CTSK: variants seen among roughly 807,000 people sequenced by gnomAD.
CTSK encodes the protein cathepsin K.
Under a neutral mutation model 40.5 loss-of-function variants are expected in CTSK, and 26 were observed. The observed-to-expected ratio is 0.64, with a 90% confidence interval of 0.47 to 0.89. The LOEUF is 0.89. Among genes scored for constraint, CTSK ranks in the 40% least tolerant of loss-of-function variants. The probability of loss-of-function intolerance (pLI) is 0.00; values close to 1 mark genes in which losing one functional copy is unlikely to be tolerated. For missense variants in CTSK, 292 were observed against 400.1 expected (o/e 0.73, Z 2.30); for synonymous variants, 132 against 143.2 (o/e 0.92, Z 0.56).
chr1:150,798,800 T>C (rs991330299), intron 7 of CTSK, among the ~76,000 whole-genome samples: 2 of 152,180 alleles, frequency 1.3e-5, no homozygotes, highest in African/African-American at 4.8e-5. Flanking sequence ...TCCCTCTCTC[T>C]CTTGCTCCCT....
Position 150,806,682 on chromosome 1 carries a change from G to A in CTSK, c.120+4C>T. On this transcript the variant is annotated splice_donor_region_variant and intron_variant, in intron 2 of 7. Transcript: ENST00000271651. The stretch of plus-strand genomic sequence containing the variant: ...TGCCATGCCCCCTCCAGGACCCCAG[G>A]CACCTTGTTGTTATATTGCTTCCTG... The A allele has an allele frequency of 2.5e-6, 4 of 1,613,886 alleles. No individual in the cohort carries two copies. Among genetic ancestry groups the A allele is most frequent in the Non-Finnish European group, 3.4e-6 (4 of 1,180,014 alleles).
chr1:150,804,190 C>T lies in CTSK; in HGVS notation c.449G>A (p.Gly150Asp). The change falls in exon 5 of 8, where the codon GGC (glycine) becomes GAC (aspartate). Residue 150 changes from glycine to aspartate, a missense_variant. Physicochemically the swap from Gly to Asp is moderately conservative, Grantham distance 94 (BLOSUM62 -1). Coordinates refer to ENST00000271651, the MANE Select transcript of CTSK (RefSeq NM_000396.4). ...TTTGCCAGTTTTCTTCTTGAGTTGG[C>T]CCTCCAGGGCACCCACAGAGCTAAA... is the stretch of plus-strand genomic sequence containing the variant. ...WAFSSVGALEGQLKKKTGKLL... is the reference protein window; with the variant it reads ...WAFSSVGALEDQLKKKTGKLL... 6.2e-7 allele frequency: 1 copy of T among 1,614,154 alleles called. No homozygotes were observed. Among genetic ancestry groups the T allele is most frequent in the Non-Finnish European group, 8.5e-7 (1 of 1,180,018 alleles).
intron 5 of CTSK, among the ~76,000 whole-genome samples, chr1:150,801,696 G>A (rs1470910906): frequency 2.0e-5 from 3 of 151,442 alleles, no homozygotes; most frequent in Admixed American, 6.6e-5. Context: ...CTGCCACCAC[G>A]CCCAGCTAAT....
At chr1:150,807,261 T>C (rs762849715) in intron 1 of CTSK, 3 of 472,158 alleles carry the variant, frequency 6.4e-6, no homozygotes, top group South Asian at 4.6e-5. Flanking sequence ...AAAGGAGAGA[T>C]TTCCGTCTAA....
At position 150,797,033 on chromosome 1, in the gene CTSK, T is replaced by A. The variant is rs200813837; in HGVS notation, c.891-135A>T. 181 of 725,984 alleles carry A rather than the reference T, an allele frequency of 2.5e-4. 2 individuals are homozygous for A. The highest frequency in any genetic ancestry group is 1.6e-3 in the East Asian group (58 of 37,340). 45.0% of individuals were successfully genotyped at this position (725,984 alleles called of 1,614,324 possible). ...TTTTTTAACTTTAAAGAGTTTAAAGTCAAGAAATAGGGAGAAGGCATAATA... is the reference window on the plus strand; with the variant it reads ...TTTTTTAACTTTAAAGAGTTTAAAGACAAGAAATAGGGAGAAGGCATAATA... On this transcript the variant is annotated intron_variant, in intron 7 of 7. Coordinates refer to ENST00000271651, the MANE Select transcript of CTSK (RefSeq NM_000396.4).
At chr1:150,807,983 A>G (rs1189124267) in intron 1 of CTSK, among the ~76,000 whole-genome samples, 1 of 152,200 alleles carries the variant, frequency 6.6e-6, no homozygotes, top group East Asian at 1.9e-4. Flanking sequence ...ATGATTCCCT[A>G]TATACTTTGC....
At chr1:150,797,733 G>A (rs1201484057) in intron 7 of CTSK, among the ~76,000 whole-genome samples, 1 of 152,102 alleles carries the variant, frequency 6.6e-6, no homozygotes. Context: ...CCCTTCTCCA[G>A]GGGCCCCCAG....
chr1:150,797,173 G>T (rs1653890603), intron 7 of CTSK, among the ~76,000 whole-genome samples: 1 of 152,192 alleles, frequency 6.6e-6, no homozygotes, highest in South Asian at 2.1e-4. Flanking sequence ...CGACCTGTGG[G>T]AAGGGGATGC....
At chr1:150,807,763 T>A (rs1654139328) in intron 1 of CTSK, among the ~76,000 whole-genome samples, 1 of 152,250 alleles carries the variant, frequency 6.6e-6, no homozygotes, top group Non-Finnish European at 1.5e-5. Flanking sequence ...ATAGTCCATT[T>A]ACATGTAATT....
intron 5 of CTSK, among the ~76,000 whole-genome samples, chr1:150,800,264 T>G (rs1425881895): frequency 6.6e-6 from 1 of 150,544 alleles, no homozygotes; most frequent in Non-Finnish European, 1.5e-5. Flanking sequence ...GGGAAAGATT[T>G]CTGAAATAAG....
intron 7 of CTSK, among the ~76,000 whole-genome samples, chr1:150,797,219 A>G (rs1215171636): frequency 1.3e-5 from 2 of 152,164 alleles, no homozygotes; most frequent in Non-Finnish European, 2.9e-5. Context: ...CAGAGGCAGG[A>G]AAGTGTGGGG....
chr1:150,805,909 G>C lies in CTSK; in HGVS notation c.351C>G (p.Asp117Glu). ...ATCCTTTCTTTCGATAGTCGACAGA[G>C]TCTGGGGCTCTACCTTCCCATTCTG... is the stretch of plus-strand genomic sequence containing the variant. ...YIPEWEGRAP[D>E]SVDYRKKGYV... The change falls in exon 4 of 8, where the codon GAC becomes GAG. Residue 117 changes from aspartate (D) to glutamate (E), a missense_variant. Transcript: ENST00000271651. 3 of 1,614,178 alleles carry C rather than the reference G, an allele frequency of 1.9e-6. No individual in the cohort carries two copies. The South Asian group carries it at 3.3e-5, about 18-fold the overall frequency.
chr1:150,801,609 G>A (rs1653990347), intron 5 of CTSK, among the ~76,000 whole-genome samples: 1 of 150,990 alleles, frequency 6.6e-6, no homozygotes. Context: ...TGCAATCTCG[G>A]CTCACTGCAA....
chr1:150,806,040 A>G (rs199802458), intron 3 of CTSK, 24 bp from the exon 4 acceptor site: 6 of 1,614,092 alleles, frequency 3.7e-6, no homozygotes, highest in Middle Eastern at 1.6e-4. Flanking sequence ...GAAAGAGGCC[A>G]GGCATCAGCA....
intron 5 of CTSK, 144 bp from the exon 6 acceptor site, chr1:150,799,853 C>G: frequency 1.2e-6 from 1 of 824,610 alleles, no homozygotes; most frequent in South Asian, 1.4e-5. Context: ...TCTGTTCTTC[C>G]TCAGAAAAAC....
At chr1:150,801,648 C>A (rs1054942620) in intron 5 of CTSK, among the ~76,000 whole-genome samples, 1 of 151,642 alleles carries the variant, frequency 6.6e-6, no homozygotes, top group African/African-American at 2.4e-5. Context: ...ACGCCATTCT[C>A]CTGCCTCAGC....
intron 5 of CTSK, among the ~76,000 whole-genome samples, chr1:150,803,134 G>C (rs1360327337): frequency 6.6e-6 from 1 of 152,130 alleles, no homozygotes; most frequent in Non-Finnish European, 1.5e-5. Flanking sequence ...TTATATCCTA[G>C]TAAGAAATTC....
At chr1:150,802,768 A>T (rs980255033) in intron 5 of CTSK, among the ~76,000 whole-genome samples, 3 of 152,046 alleles carry the variant, frequency 2.0e-5, no homozygotes, top group Admixed American at 6.5e-5. Context: ...GCATGATGGC[A>T]TGCACCTATA....
chr1:150,803,363 G>A (rs1222629861), intron 5 of CTSK, among the ~76,000 whole-genome samples: 2 of 152,122 alleles, frequency 1.3e-5, no homozygotes, highest in African/African-American at 4.8e-5. Context: ...CTAAGGACAC[G>A]GCTTAGAACA....
Sources: allele counts gnomAD v4.1 joint callset (sites outside exome capture counted in the v4.1 genomes callset), GRCh38; gene constraint gnomAD v4.1.1; transcripts MANE v1.5; gene names NCBI Gene and HGNC (gene_info 2026-07-23, HGNC 2026-07-21).